TRPC6: variants seen among roughly 807,000 people sequenced by gnomAD.
TRPC6 encodes short transient receptor potential channel 6.
A neutral mutation model predicts 90.7 loss-of-function variants in TRPC6; 55 were observed. The observed-to-expected ratio is 0.61, with a 90% CI of 0.49 to 0.76. The LOEUF (loss-of-function observed/expected upper bound fraction) is 0.76. Ranked by LOEUF, TRPC6 falls within the 30% of genes least tolerant of loss-of-function variation. TRPC6 has a pLI of 0.00. For synonymous variants in TRPC6, 393 were observed against 393.0 expected, an observed-to-expected ratio of 1.00 and a Z score of 0.00; for missense variants, 989 against 1,122.7, an observed-to-expected ratio of 0.88 and a Z score of 1.70.
intron 1 of TRPC6, among the ~76,000 whole-genome samples, chr11:101,521,032 G>C (rs1471887355): frequency 6.6e-6 from 1 of 152,114 alleles, no homozygotes; most frequent in African/African-American, 2.4e-5. Context: ...GTGTAGAAAA[G>C]AAAAACCCAT....
chr11:101,480,046 C>T (rs1024986573), intron 5 of TRPC6, among the ~76,000 whole-genome samples: 1 of 151,966 alleles, frequency 6.6e-6, no homozygotes, highest in Non-Finnish European at 1.5e-5. Flanking sequence ...GGCGTGATAG[C>T]TCATGCCTGT....
chr11:101,544,334 G>A (rs7109771), intron 1 of TRPC6, among the ~76,000 whole-genome samples: 1 of 152,016 alleles, frequency 6.6e-6, no homozygotes, highest in Non-Finnish European at 1.5e-5. Flanking sequence ...ATTCCTCAAG[G>A]ATCTAGAACT....
chr11:101,495,355 A>G (rs1859917520), intron 2 of TRPC6, among the ~76,000 whole-genome samples: 1 of 152,170 alleles, frequency 6.6e-6, no homozygotes, highest in African/African-American at 2.4e-5. Flanking sequence ...AACAGTGTAG[A>G]GAAAAATGCA....
intron 1 of TRPC6, among the ~76,000 whole-genome samples, chr11:101,518,168 T>C (rs1186322376): frequency 1.3e-5 from 2 of 152,166 alleles, no homozygotes; most frequent in Non-Finnish European, 2.9e-5. Context: ...AAAAGCATCA[T>C]TTGCCCTCTT....
At chr11:101,545,179 C>G (rs1307702296) in intron 1 of TRPC6, among the ~76,000 whole-genome samples, 1 of 151,436 alleles carries the variant, frequency 6.6e-6, no homozygotes, top group Non-Finnish European at 1.5e-5. Context: ...CCCACTGATT[C>G]AACCAATTGT....
At chr11:101,554,676 A>G (rs1461294546) in intron 1 of TRPC6, among the ~76,000 whole-genome samples, 1 of 152,132 alleles carries the variant, frequency 6.6e-6, no homozygotes. Flanking sequence ...CATCACCCAA[A>G]AAGTGAGGAA....
intron 4 of TRPC6, among the ~76,000 whole-genome samples, chr11:101,485,312 T>C (rs1335269313): frequency 2.0e-5 from 3 of 151,898 alleles, no homozygotes; most frequent in African/African-American, 4.8e-5. Flanking sequence ...AATCAAACTC[T>C]CAATCAAACG....
intron 1 of TRPC6, among the ~76,000 whole-genome samples, chr11:101,553,105 A>G (rs556502503): frequency 1.4e-4 from 22 of 152,240 alleles, no homozygotes; most frequent in African/African-American, 5.3e-4. Flanking sequence ...ATGGGAAGTA[A>G]GATAGGTGAT....
chr11:101,453,846 G>T, intron 11 of TRPC6, 121 bp from the exon 12 acceptor site: 2 of 911,304 alleles, frequency 2.2e-6, no homozygotes, highest in Non-Finnish European at 3.5e-6. Flanking sequence ...TGGCTGTCAA[G>T]GACTAAGATG....
At position 101,491,548 on chromosome 11, in the gene TRPC6, G is replaced by T; in HGVS notation, c.1128+8C>A. ...AATAATGTAAACGGGCTTCACGCCTGACCTTACTTTTTTTACTTCATATTT... is the reference window on the plus strand; with the variant it reads ...AATAATGTAAACGGGCTTCACGCCTTACCTTACTTTTTTTACTTCATATTT... On this transcript the variant is annotated splice_region_variant and intron_variant, in intron 3 of 12. Transcript: ENST00000344327. 6.2e-7 allele frequency: 1 copy of T among 1,613,376 alleles called. No homozygotes were observed. Among genetic ancestry groups the T allele is most frequent in the South Asian group, 1.1e-5 (1 of 91,022 alleles).
At chr11:101,477,625 A>C (rs895619902) in intron 5 of TRPC6, among the ~76,000 whole-genome samples, 7 of 152,068 alleles carry the variant, frequency 4.6e-5, no homozygotes, top group Non-Finnish European at 8.8e-5. Context: ...TGGATTCGAG[A>C]ATTTCTTCTT....
chr11:101,575,281 T>C (rs1862048217), intron 1 of TRPC6, among the ~76,000 whole-genome samples: 1 of 152,206 alleles, frequency 6.6e-6, no homozygotes, highest in Non-Finnish European at 1.5e-5. Flanking sequence ...TTGGTAACAT[T>C]AGCAATCGAC....
intron 1 of TRPC6, among the ~76,000 whole-genome samples, chr11:101,557,102 C>T (rs1390638332): frequency 1.3e-5 from 2 of 151,880 alleles, no homozygotes; most frequent in Non-Finnish European, 1.5e-5. Flanking sequence ...ATGCCTGTAA[C>T]GCCAGCACTT....
rs371603665 is a variant in TRPC6, at chr11:101,476,462, A to G, written c.1583T>C (p.Met528Thr). 10 of 1,614,026 alleles carry G rather than the reference A, an allele frequency of 6.2e-6. No homozygotes were observed. The highest frequency in any genetic ancestry group is 7.6e-6 in the Non-Finnish European group (9 of 1,180,008). ...PKEYLFELWN[M>T]LDFGMLAIFA... ...AATTGCTAACATACCAAAATCAAGC[A>G]TGTTCCACAACTCAAACAAATATTC... Residue 528 changes from methionine to threonine, a missense_variant, in exon 6 of 13, where the codon ATG becomes ACG. This residue lies in a region of TRPC6 where 486 missense variants were observed against 591.9 expected (regional missense o/e 0.82). Coordinates refer to ENST00000344327, the MANE Select transcript of TRPC6 (RefSeq NM_004621.6).
chr11:101,537,876 G>A (rs1405798318), intron 1 of TRPC6, among the ~76,000 whole-genome samples: 1 of 152,130 alleles, frequency 6.6e-6, no homozygotes, highest in East Asian at 1.9e-4. Flanking sequence ...ACTAGAATGT[G>A]TCTGATGTTT....
chr11:101,553,877 G>C (rs1037482908), intron 1 of TRPC6, among the ~76,000 whole-genome samples: 2 of 151,988 alleles, frequency 1.3e-5, no homozygotes, highest in Admixed American at 6.6e-5. Flanking sequence ...ATATGTAAAG[G>C]AAAATGAGAC....
chr11:101,459,384 A>C (rs1173706482), intron 10 of TRPC6, among the ~76,000 whole-genome samples: 4 of 152,192 alleles, frequency 2.6e-5, no homozygotes, highest in Non-Finnish European at 5.9e-5. Context: ...GCCAGAAGAC[A>C]CACTTACACA....
intron 1 of TRPC6, among the ~76,000 whole-genome samples, chr11:101,512,062 CTT>C (rs1406901288): frequency 1.3e-5 from 2 of 152,054 alleles, no homozygotes; most frequent in African/African-American, 4.8e-5. Context: ...CTCTCTCCCT[CTT>C]GTTTAGAGGG....
rs1479712500 is a variant in TRPC6 at position 101,452,328 on chromosome 11, G to C, written c.*627C>G. Reference sequence around the variant, plus strand: ...TGGACCATGTTTCCAGGGTTCAGTGGAGGAAAAACTTTTTTCATTGTTAAG... The same window carrying C: ...TGGACCATGTTTCCAGGGTTCAGTGCAGGAAAAACTTTTTTCATTGTTAAG... On this transcript the variant is annotated 3_prime_UTR_variant, in exon 13 of 13. Coordinates refer to ENST00000344327, the MANE Select transcript of TRPC6 (RefSeq NM_004621.6). 6.5e-6 allele frequency: 1 copy of C among 153,318 alleles called. No individual in the cohort carries two copies. The highest frequency in any genetic ancestry group is 1.5e-5 in the Non-Finnish European group (1 of 68,888). The allele number at this position is 153,318 out of a possible 1,614,324, so 9.5% of individuals were successfully genotyped here.
Sources: allele counts gnomAD v4.1 joint callset (sites outside exome capture counted in the v4.1 genomes callset), GRCh38; gene constraint gnomAD v4.1.1; regional missense constraint gnomAD v4.1.1; transcripts MANE v1.5; gene names NCBI Gene and HGNC (gene_info 2026-07-23, HGNC 2026-07-21).